Variants in SUGCT observed in about 807,000 individuals in gnomAD.
SUGCT encodes succinyl-CoA:glutarate-CoA transferase.
In SUGCT, 41 loss-of-function variants were observed where a neutral mutation model predicts 55.0. The observed-to-expected ratio is 0.74, with a 90% CI of 0.58 to 0.97. The LOEUF is 0.97. SUGCT is among the 50% of genes least tolerant of loss of function. SUGCT has a pLI of 0.00. For missense variants in SUGCT, 568 were observed against 547.8 expected (o/e 1.04, Z -0.37); for synonymous variants, 187 against 200.4 (o/e 0.93, Z 0.56).
intron 12 of SUGCT, among the ~76,000 whole-genome samples, chr7:40,522,795 C>T (rs1044309790): frequency 6.6e-6 from 1 of 152,024 alleles, no homozygotes; most frequent in Non-Finnish European, 1.5e-5. Flanking sequence ...AAATGTTTGT[C>T]CCATGTGCAT....
chr7:40,191,268 C>T (rs552099748), intron 5 of SUGCT, among the ~76,000 whole-genome samples: 2 of 152,204 alleles, frequency 1.3e-5, no homozygotes, highest in South Asian at 4.1e-4. Flanking sequence ...CCACCCGCCT[C>T]GGCCTCTCAA....
At chr7:40,834,573 A>T (rs1406011689) in intron 13 of SUGCT, among the ~76,000 whole-genome samples, 1 of 152,160 alleles carries the variant, frequency 6.6e-6, no homozygotes, top group Non-Finnish European at 1.5e-5. Flanking sequence ...GTAAAAGTAG[A>T]TGCATAATAT....
chr7:40,521,999 A>T (rs1213725376), intron 12 of SUGCT, among the ~76,000 whole-genome samples: 2 of 152,144 alleles, frequency 1.3e-5, no homozygotes, highest in Non-Finnish European at 2.9e-5. Flanking sequence ...GGATTCTATA[A>T]ACCACATTTC....
intron 7 of SUGCT, 93 bp downstream of exon 7, chr7:40,237,819 G>A: frequency 1.0e-6 from 1 of 1,004,174 alleles, no homozygotes; most frequent in Non-Finnish European, 1.5e-6. Flanking sequence ...TAAATGAGTT[G>A]TTAGGTTGGG....
chr7:40,223,214 C>T (rs1381520904), intron 6 of SUGCT, among the ~76,000 whole-genome samples: 1 of 152,092 alleles, frequency 6.6e-6, no homozygotes, highest in Non-Finnish European at 1.5e-5. Context: ...GTGCCCACCA[C>T]CATGCCTGGC....
At chr7:40,564,537 G>A (rs1280757960) in intron 12 of SUGCT, among the ~76,000 whole-genome samples, 1 of 152,212 alleles carries the variant, frequency 6.6e-6, no homozygotes, top group Non-Finnish European at 1.5e-5. Flanking sequence ...CTCTTTATAA[G>A]AGTTAATTTC....
intron 1 of SUGCT, among the ~76,000 whole-genome samples, chr7:40,145,165 C>CA (rs1270668819): frequency 6.6e-6 from 1 of 152,044 alleles, no homozygotes; most frequent in South Asian, 2.1e-4. Flanking sequence ...ACCTTTAAAA[C>CA]AAAAAATTTT....
intron 12 of SUGCT, among the ~76,000 whole-genome samples, chr7:40,554,757 A>G (rs1346847872): frequency 1.3e-5 from 2 of 152,170 alleles, no homozygotes; most frequent in African/African-American, 2.4e-5. Context: ...CAACAGTTGT[A>G]CTTTTGAGCC....
intron 6 of SUGCT, among the ~76,000 whole-genome samples, chr7:40,229,303 G>C (rs770696390): frequency 6.6e-6 from 1 of 152,182 alleles, no homozygotes; most frequent in Non-Finnish European, 1.5e-5. Context: ...TGGATCACCT[G>C]AGGTCAGGAA....
chr7:40,946,331 C>T, the SUGCT span, among the ~76,000 whole-genome samples: 9 of 152,136 alleles, frequency 5.9e-5, no homozygotes, highest in South Asian at 4.2e-4. Context: ...AAGGTCAGGT[C>T]GGGGCTGAGA....
intron 6 of SUGCT, among the ~76,000 whole-genome samples, chr7:40,195,745 C>T (rs529435733): frequency 1.4e-4 from 16 of 116,772 alleles, no homozygotes; most frequent in African/African-American, 2.6e-4. Context: ...GACAGAGTCT[C>T]ACTCTGTCGC....
At chr7:41,005,442 C>T in the SUGCT span, among the ~76,000 whole-genome samples, 285 of 152,216 alleles carry the variant, frequency 1.9e-3, 1 homozygote, top group African/African-American at 5.6e-3. Context: ...CGGGTATTCC[C>T]CAAGGAAGGA....
At position 40,245,364 on chromosome 7, in the gene SUGCT, C is replaced by CT. The variant is rs894261542; in HGVS notation, c.576+7648dup. ...GTGAGCCACCGCACCTGGCCATGAA[C>CT]TTTTTTTTTTATTTTAAATTTTTAT... On this transcript the variant is annotated intron_variant, in intron 7 of 13. Transcript: ENST00000335693. Among the ~76,000 whole-genome samples the CT allele has an allele frequency of 7.5e-5, 8 of 106,688 alleles. No individual in the cohort carries two copies. The East Asian group carries it at 8.0e-4, about 11-fold the overall frequency. The allele number at this position is 106,688 out of a possible 152,430, so 70.0% of individuals were successfully genotyped here. A position where few individuals can be genotyped will look rare whatever the true frequency, so the allele number is the denominator to read the frequency against.
chr7:40,224,445 AGT>A lies in SUGCT; in HGVS notation c.485-13183_485-13182del, dbSNP rs531733395. ...GTGTGTGTGTGCATGCATGTGTATA[AGT>A]GTGTGTATGTGATTGTGAGTTTAGT... On this transcript the variant is annotated intron_variant, in intron 6 of 13. Coordinates refer to ENST00000335693, the MANE Select transcript of SUGCT (RefSeq NM_001193313.2). Among the ~76,000 whole-genome samples the A allele has an allele frequency of 1.2e-4, 18 of 145,770 alleles. No individual in the cohort carries two copies. The South Asian group carries it at 3.9e-3, about 32-fold the overall frequency.
At position 40,708,747 on chromosome 7, in the gene SUGCT, G is replaced by A. The variant is rs532578485; in HGVS notation, c.1090-40687G>A. Among the ~76,000 whole-genome samples, 110 of 152,178 alleles carry A rather than the reference G, an allele frequency of 7.2e-4. 1 individual carries two copies. The highest frequency in any genetic ancestry group is 2.5e-3 in the African/African-American group (105 of 41,518). On this transcript the variant is annotated intron_variant, in intron 12 of 13. Transcript: ENST00000335693. ...CATAGCTTTCCTTACTGCAGTCACT[G>A]CTTGCTCAAATATCACCTCTTCAAT...
chr7:40,234,614 A>G (rs1337225509), intron 6 of SUGCT, among the ~76,000 whole-genome samples: 2 of 152,140 alleles, frequency 1.3e-5, no homozygotes, highest in Admixed American at 1.3e-4. Context: ...TGGGTTTTTC[A>G]GTATGGTTTT....
At position 40,240,615 on chromosome 7, in the gene SUGCT, A is replaced by G. The variant is rs567104705; in HGVS notation, c.576+2889A>G. 1.6e-4 allele frequency among the ~76,000 whole-genome samples: 25 copies of G among 152,354 alleles called. No individual in the cohort carries two copies. The East Asian group carries it at 4.8e-3, about 29-fold the overall frequency. On this transcript the variant is annotated intron_variant, in intron 7 of 13. Transcript: ENST00000335693. The stretch of plus-strand genomic sequence containing the variant: ...CCTCTCAGCAGAGATTGTACGGGAA[A>G]GCACTTCTGAAAGCCTTGGCTAATA...
At chr7:41,002,284 G>A in the SUGCT span, among the ~76,000 whole-genome samples, 1 of 152,194 alleles carries the variant, frequency 6.6e-6, no homozygotes, top group Non-Finnish European at 1.5e-5. Context: ...GCCTCCCAAA[G>A]TGCTGGGATT....
intron 9 of SUGCT, among the ~76,000 whole-genome samples, chr7:40,413,950 T>C (rs1786831818): frequency 6.6e-6 from 1 of 151,464 alleles, no homozygotes; most frequent in Admixed American, 6.6e-5. Context: ...GACTGCATTC[T>C]TTTTTTTTAT....
Sources: gnomAD v4.1 joint callset for allele counts (sites outside exome capture counted in the v4.1 genomes callset) on GRCh38, gnomAD v4.1.1 for gene constraint, MANE v1.5 for transcripts, NCBI Gene and HGNC (gene_info 2026-07-23, HGNC 2026-07-21) for gene names.